DYNC2LI1: variants seen among roughly 807,000 people sequenced by gnomAD.
DYNC2LI1 encodes dynein cytoplasmic 2 light intermediate chain 1.
Under a neutral mutation model 51.9 loss-of-function variants are expected in DYNC2LI1, and 45 were observed. That is an observed-to-expected ratio of 0.87 (90% confidence interval 0.68 to 1.11). The LOEUF is 1.11. Ranked by LOEUF, DYNC2LI1 falls within the 50% of genes most tolerant of loss-of-function variation. The pLI is 0.00. For missense variants in DYNC2LI1, 490 were observed against 417.4 expected, an observed-to-expected ratio of 1.17 and a Z score of -1.51; for synonymous variants, 130 against 137.8, an observed-to-expected ratio of 0.94 and a Z score of 0.40.
At chr2:43,828,208 C>T in the DYNC2LI1 span, 49 of 1,579,800 alleles carry the variant, frequency 3.1e-5, no homozygotes, top group South Asian at 3.4e-4. Context: ...GGCAGCACAC[C>T]GCCCAAGAAT....
At chr2:43,792,547 C>A in intron 5 of DYNC2LI1, 1 of 882,494 alleles carries the variant, frequency 1.1e-6, no homozygotes. Context: ...AAATTTTAGT[C>A]ATTTTTAACT....
intron 10 of DYNC2LI1, among the ~76,000 whole-genome samples, chr2:43,802,381 T>G (rs1666105066): frequency 6.6e-6 from 1 of 151,840 alleles, no homozygotes; most frequent in Admixed American, 6.6e-5. Flanking sequence ...AGGGTTTTTT[T>G]TTTTTTTTTG....
Position 43,794,690 on chromosome 2 carries a change from T to C in DYNC2LI1, c.507+47T>C, listed in dbSNP as rs57240987. On this transcript the variant is annotated intron_variant, in intron 6 of 12. Transcript: ENST00000260605. ...TTACTGGAATCCTTAGTCCCATTTATAGTTAATGATAACATCACAAACAAC... is the reference window on the plus strand; with the variant it reads ...TTACTGGAATCCTTAGTCCCATTTACAGTTAATGATAACATCACAAACAAC... The C allele has an allele frequency of 2.6e-3, 4,122 of 1,613,654 alleles. 108 individuals are homozygous for C. The African/African-American group carries it at 0.05, about 20-fold the overall frequency.
chr2:43,813,686 T>G (rs200170522), downstream of DYNC2LI1, among the ~76,000 whole-genome samples: 46 of 146,416 alleles, frequency 3.1e-4, no homozygotes, highest in Non-Finnish European at 4.5e-4. Flanking sequence ...TTTTTTTTTG[T>G]TTTTTTTGGG....
chr2:43,810,485 A>G (rs1666444400), downstream of DYNC2LI1: 7 of 985,270 alleles, frequency 7.1e-6, no homozygotes, highest in African/African-American at 1.7e-5. Context: ...AGCCATTCCA[A>G]TCTGTAGATG....
rs375593790 is a variant in DYNC2LI1, at chr2:43,783,534, T to C, written c.141T>C (p.Ile47=). The change falls in exon 3 of 13, where the codon ATT becomes ATC. Residue 47 remains isoleucine, a synonymous_variant. Coordinates refer to ENST00000260605, the MANE Select transcript of DYNC2LI1 (RefSeq NM_016008.4). The stretch of plus-strand genomic sequence containing the variant: ...TTAATTTCCAGGGAAAGACTACTAT[T>C]ATTCTAAGGTGTCTTGACAGGTAAG... ...IGSKNGGKTT[I]ILRCLDRDEP... is the part of the protein sequence containing the mutation. The C allele has an allele frequency of 1.6e-5, 25 of 1,532,982 alleles. No homozygotes were observed. Among genetic ancestry groups the C allele is most frequent in the Non-Finnish European group, 2.1e-5 (24 of 1,146,466 alleles). 95.0% of individuals were successfully genotyped at this position (1,532,982 alleles called of 1,614,324 possible). A position where few individuals can be genotyped will look rare whatever the true frequency, so the allele number is the denominator to read the frequency against.
chr2:43,828,202 G>A, the DYNC2LI1 span: 16 of 1,590,558 alleles, frequency 1.0e-5, no homozygotes, highest in Admixed American at 2.6e-4. Flanking sequence ...GAAAGAGGCA[G>A]CACACCGCCC....
rs754679765 is a variant in DYNC2LI1 at position 43,789,713 on chromosome 2, C to T, written c.312C>T (p.Asp104=). ...LDLISIPITG[D]TLRTFSLVLV... The stretch of plus-strand genomic sequence containing the variant: ...TAATCAGCATACCCATCACAGGTGA[C>T]ACCTTACGGTAAGTGAGCCAGCTCC... Residue 104 remains aspartate, a synonymous_variant, in exon 5 of 13, where the codon GAC becomes GAT. Coordinates refer to ENST00000260605, the MANE Select transcript of DYNC2LI1 (RefSeq NM_016008.4). The T allele has an allele frequency of 6.2e-7, 1 of 1,613,574 alleles. No individual in the cohort carries two copies. The highest frequency in any genetic ancestry group is 8.5e-7 in the Non-Finnish European group (1 of 1,179,720).
the DYNC2LI1 span, chr2:43,824,304 T>C: frequency 6.2e-7 from 1 of 1,614,132 alleles, no homozygotes; most frequent in Non-Finnish European, 8.5e-7. Flanking sequence ...AGGTGTTTCA[T>C]TCTTTCAATA....
intron 2 of DYNC2LI1, among the ~76,000 whole-genome samples, chr2:43,779,452 G>A (rs769189682): frequency 9.2e-5 from 14 of 152,062 alleles, no homozygotes; most frequent in Non-Finnish European, 1.9e-4. Context: ...GACATTGATC[G>A]AACATCTTTT....
chr2:43,819,161 C>G, the DYNC2LI1 span, among the ~76,000 whole-genome samples: 1 of 152,180 alleles, frequency 6.6e-6, no homozygotes, highest in East Asian at 1.9e-4. Context: ...AAAGAAACAG[C>G]CTTCATGTTT....
chr2:43,828,224 G>A, the DYNC2LI1 span: 4 of 1,507,046 alleles, frequency 2.7e-6, no homozygotes, highest in Non-Finnish European at 3.6e-6. Flanking sequence ...AGAATCCAAG[G>A]GCCACTTCCA....
chr2:43,821,782 A>AATCT, the DYNC2LI1 span, among the ~76,000 whole-genome samples: 8 of 151,844 alleles, frequency 5.3e-5, no homozygotes, highest in African/African-American at 1.7e-4. Context: ...TCCCAATTTC[A>AATCT]ATCTCTCTCC....
chr2:43,774,826 C>T (rs1672938795), intron 1 of DYNC2LI1, among the ~76,000 whole-genome samples: 1 of 152,154 alleles, frequency 6.6e-6, no homozygotes. Flanking sequence ...CCGATTTCCG[C>T]AGGTGTCGTG....
chr2:43,804,895 G>A (rs1397757943), intron 11 of DYNC2LI1, among the ~76,000 whole-genome samples, 156 bp downstream of exon 11: 1 of 144,570 alleles, frequency 6.9e-6, no homozygotes, highest in Non-Finnish European at 1.5e-5. Flanking sequence ...GCACTGTGGG[G>A]GTTAAAAAAA....
intron 3 of DYNC2LI1, among the ~76,000 whole-genome samples, chr2:43,786,492 T>C (rs932146196): frequency 2.6e-5 from 4 of 152,216 alleles, no homozygotes; most frequent in East Asian, 1.9e-4. Context: ...AAGTCTTGCA[T>C]TGATGTTTTA....
At chr2:43,794,772 C>G in intron 6 of DYNC2LI1, 129 bp downstream of exon 6, 1 of 1,530,696 alleles carries the variant, frequency 6.5e-7, no homozygotes, top group East Asian at 2.4e-5. Flanking sequence ...AACCTGTTCA[C>G]TGGAAAATTA....
At position 43,796,566 on chromosome 2, in the gene DYNC2LI1, T is replaced by C. The variant is rs1172289638; in HGVS notation, c.577-152T>C. ...AAGAAGGCTGCAGCTATTGTTCAAC[T>C]CTCTATGAAATAAATATCAAGGTAA... On this transcript the variant is annotated intron_variant, in intron 7 of 12. Transcript: ENST00000260605. 9.9e-6 allele frequency: 6 copies of C among 608,890 alleles called. No individual in the cohort carries two copies. In the East Asian group the frequency reaches 1.4e-4, roughly 14 times the overall value. The allele number at this position is 608,890 out of a possible 1,614,324, so 37.7% of individuals were successfully genotyped here. A position where few individuals can be genotyped will look rare whatever the true frequency, so the allele number is the denominator to read the frequency against.
chr2:43,800,864 A>G lies in DYNC2LI1; in HGVS notation c.678A>G (p.Leu226=), dbSNP rs767064075. 3.1e-6 allele frequency: 5 copies of G among 1,601,866 alleles called. No individual in the cohort carries two copies. The highest frequency in any genetic ancestry group is 3.4e-6 in the Non-Finnish European group (4 of 1,173,058). The change falls in exon 9 of 13, where the codon CTA becomes CTG. Residue 226 remains leucine, a synonymous_variant. Transcript: ENST00000260605. The part of the protein sequence containing the change: ...SLMFTSKSEA[L]LLKIRGVINQ... ...AGTTTACCAGTAAATCAGAAGCTCT[A>G]TTACTAAAAATACGTGGAGTTATCA...
Sources: gnomAD v4.1 joint callset for allele counts (sites outside exome capture counted in the v4.1 genomes callset) on GRCh38, gnomAD v4.1.1 for gene constraint, MANE v1.5 for transcripts, NCBI Gene and HGNC (gene_info 2026-07-23, HGNC 2026-07-21) for gene names.